Variants in TRDN observed in about 807,000 individuals in gnomAD.
TRDN encodes the protein triadin, also known as triadin in skeletal muscle.
Under a neutral mutation model 149.7 loss-of-function variants are expected in TRDN, and 161 were observed. The observed-to-expected ratio is 1.08, with a 90% CI of 0.95 to 1.23. TRDN has a LOEUF of 1.23. Among genes scored for constraint, TRDN ranks in the 50% most tolerant of loss-of-function variants. The pLI is 0.00. For synonymous variants in TRDN, 294 were observed against 250.5 expected, an observed-to-expected ratio of 1.17 and a Z score of -1.64; for missense variants, 896 against 823.5, an observed-to-expected ratio of 1.09 and a Z score of -1.08.
intron 40 of TRDN, among the ~76,000 whole-genome samples, chr6:123,221,258 C>T (rs1435057653): frequency 6.6e-6 from 1 of 151,746 alleles, no homozygotes; most frequent in Non-Finnish European, 1.5e-5. Context: ...GCGATAAATG[C>T]CACTTCAACC....
At chr6:123,390,099 C>T (rs930087472) in intron 13 of TRDN, among the ~76,000 whole-genome samples, 2 of 151,964 alleles carry the variant, frequency 1.3e-5, no homozygotes, top group Non-Finnish European at 2.9e-5. Flanking sequence ...ATAAAATTAC[C>T]CCCTCGAAGG....
intron 4 of TRDN, 74 bp from the exon 5 acceptor site, chr6:123,530,639 C>T: frequency 1.2e-6 from 1 of 866,232 alleles, no homozygotes; most frequent in Non-Finnish European, 1.6e-6. Flanking sequence ...ATGACCTAAA[C>T]TTTATAAACC....
At chr6:123,220,087 A>T (rs1475961566) in intron 40 of TRDN, among the ~76,000 whole-genome samples, 1 of 151,934 alleles carries the variant, frequency 6.6e-6, no homozygotes, top group Non-Finnish European at 1.5e-5. Context: ...GATAGCAAAT[A>T]TCATTTTGAT....
At chr6:123,297,125 T>C (rs1052168913) in intron 24 of TRDN, among the ~76,000 whole-genome samples, 2 of 152,156 alleles carry the variant, frequency 1.3e-5, no homozygotes, top group Non-Finnish European at 2.9e-5. Flanking sequence ...ATTGGCTATA[T>C]ATTATGCTAA....
At chr6:123,333,478 A>G (rs1478735316) in intron 22 of TRDN, among the ~76,000 whole-genome samples, 1 of 152,090 alleles carries the variant, frequency 6.6e-6, no homozygotes, top group Non-Finnish European at 1.5e-5. Flanking sequence ...AGAAAATAAA[A>G]GTGATTTCTA....
intron 5 of TRDN, among the ~76,000 whole-genome samples, chr6:123,524,146 C>A (rs1354302532): frequency 1.3e-5 from 2 of 152,078 alleles, no homozygotes; most frequent in African/African-American, 2.4e-5. Flanking sequence ...CCACCCCTGG[C>A]AACAATGGCT....
chr6:123,499,719 A>AAAAAAAAAAAAATAT, intron 8 of TRDN, among the ~76,000 whole-genome samples: 11 of 47,670 alleles, frequency 2.3e-4, no homozygotes, highest in African/African-American at 5.0e-4. Context: ...AAAAAAAAAA[A>AAAAAAAAAAAAATAT]ATATATATAT....
At chr6:123,412,306 C>T (rs1165871396) in intron 12 of TRDN, among the ~76,000 whole-genome samples, 2 of 151,970 alleles carry the variant, frequency 1.3e-5, no homozygotes, top group Non-Finnish European at 2.9e-5. Context: ...CAGTGCTGTC[C>T]AATATGGCAG....
rs1240698401 is a variant in TRDN, at chr6:123,352,564, C to G, written c.1344G>C (p.Glu448Asp). Residue 448 changes from glutamate (E) to aspartate (D), a missense_variant, in exon 21 of 41, where the codon GAG becomes GAC. Physicochemically the swap from Glu to Asp is conservative, Grantham distance 45. Transcript: ENST00000334268. ...CTTGCTCCACTGTCTTGGTTGTTTT[C>G]TCTTCCTTCTTTCCAGGTACAGCTG... The part of the protein sequence containing the change: ...IKKAVPGKKE[E>D]KTTKTVEQEI... 2 of 1,610,218 alleles carry G rather than the reference C, an allele frequency of 1.2e-6. No individual in the cohort carries two copies. The highest frequency in any genetic ancestry group is 1.7e-5 in the Admixed American group (1 of 59,514).
At chr6:123,404,067 T>C (rs1401183200) in intron 12 of TRDN, among the ~76,000 whole-genome samples, 1 of 152,152 alleles carries the variant, frequency 6.6e-6, no homozygotes, top group Non-Finnish European at 1.5e-5. Flanking sequence ...ACTTAATAAA[T>C]AGTTAAGAAA....
intron 12 of TRDN, among the ~76,000 whole-genome samples, chr6:123,412,043 T>C (rs1411972157): frequency 6.6e-6 from 1 of 152,224 alleles, no homozygotes; most frequent in African/African-American, 2.4e-5. Context: ...AATTTCATGT[T>C]GTTAGCTTCA....
chr6:123,446,360 C>T (rs1043928310), intron 10 of TRDN, among the ~76,000 whole-genome samples: 7 of 151,570 alleles, frequency 4.6e-5, no homozygotes, highest in Admixed American at 1.3e-4. Context: ...ACAATGTGCA[C>T]GTGTACCCTA....
chr6:123,576,811 A>T (rs1416783593), intron 1 of TRDN, among the ~76,000 whole-genome samples: 2 of 152,100 alleles, frequency 1.3e-5, no homozygotes, highest in African/African-American at 4.8e-5. Flanking sequence ...CTAGAAAAAG[A>T]AATTCACTTA....
chr6:123,341,821 G>C lies in TRDN; in HGVS notation c.1370-4152C>G, dbSNP rs548773696. The stretch of plus-strand genomic sequence containing the variant: ...CCTTAAATTACACTTGTATATTCTA[G>C]ACAAGCTGGGCTGTATTGGCATGTT... On this transcript the variant is annotated intron_variant, in intron 21 of 40. Transcript: ENST00000334268. Among the ~76,000 whole-genome samples the C allele has an allele frequency of 9.2e-5, 14 of 151,984 alleles. No individual in the cohort carries two copies. The South Asian group carries it at 2.7e-3, about 29-fold the overall frequency.
At chr6:123,569,482 C>A (rs1376670303) in intron 2 of TRDN, among the ~76,000 whole-genome samples, 1 of 152,182 alleles carries the variant, frequency 6.6e-6, no homozygotes, top group Non-Finnish European at 1.5e-5. Context: ...TGCCAATTTT[C>A]TGTATTAAGC....
At chr6:123,527,137 G>C (rs948437484) in intron 5 of TRDN, among the ~76,000 whole-genome samples, 32 of 151,994 alleles carry the variant, frequency 2.1e-4, no homozygotes, top group African/African-American at 7.7e-4. Context: ...TCTAAAAGTA[G>C]AAAAAGGTTA....
chr6:123,628,993 C>T (rs1008377878), intron 1 of TRDN, among the ~76,000 whole-genome samples: 8 of 152,044 alleles, frequency 5.3e-5, no homozygotes, highest in Non-Finnish European at 1.5e-5. Context: ...AATTCACAAA[C>T]TTGGCATTTT....
intron 1 of TRDN, among the ~76,000 whole-genome samples, chr6:123,573,122 T>G (rs1296287969): frequency 2.6e-5 from 4 of 152,068 alleles, no homozygotes; most frequent in African/African-American, 9.7e-5. Context: ...AAGTTATGCT[T>G]TGGGCTTCAT....
intron 1 of TRDN, among the ~76,000 whole-genome samples, chr6:123,613,648 GATA>G (rs991080882): frequency 6.6e-6 from 1 of 152,010 alleles, no homozygotes; most frequent in African/African-American, 2.4e-5. Flanking sequence ...GATAGTAATT[GATA>G]ATATTTGTGT....
Sources: gnomAD v4.1 joint callset for allele counts (sites outside exome capture counted in the v4.1 genomes callset) on GRCh38, gnomAD v4.1.1 for gene constraint, MANE v1.5 for transcripts, NCBI Gene and HGNC (gene_info 2026-07-23, HGNC 2026-07-21) for gene names.